The following NAA11 variants were observed in gnomAD, a reference collection of about 807,000 sequenced individuals.
NAA11 encodes N-alpha-acetyltransferase 11.
Under a neutral mutation model 16.1 loss-of-function variants are expected in NAA11, and 15 were observed. The ratio of observed to expected loss-of-function variants is 0.93; its 90% confidence interval spans 0.62 to 1.44. NAA11 has a LOEUF of 1.44. Among genes scored for constraint, NAA11 ranks in the 40% most tolerant of loss-of-function variants. The pLI is 0.00. For missense variants in NAA11, 298 were observed against 291.3 expected, an observed-to-expected ratio of 1.02 and a Z score of -0.17; for synonymous variants, 122 against 112.4, an observed-to-expected ratio of 1.09 and a Z score of -0.54.
exon 3 of NAA11, chr4:79,225,750 T>C (rs1721295143): frequency 6.6e-6 from 1 of 152,038 alleles, no homozygotes; most frequent in African/African-American, 2.4e-5. Flanking sequence ...CTTTGGTGAG[T>C]AGAAGTAGTT....
chr4:79,257,682 T>A (rs1722152309), intron 2 of NAA11, among the ~76,000 whole-genome samples: 1 of 152,200 alleles, frequency 6.6e-6, no homozygotes, highest in Non-Finnish European at 1.5e-5. Flanking sequence ...AAATTTCTAA[T>A]TTCTTCTTGA....
Position 79,325,867 on chromosome 4 carries a change from C to G in NAA11, c.11G>C (p.Arg4Pro), listed in dbSNP as rs769672921. The change falls in exon 1 of 2, where the codon CGC becomes CCC. Residue 4 changes from arginine to proline, a missense_variant. Coordinates refer to ENST00000286794, the MANE Select transcript of NAA11 (RefSeq NM_032693.3). MNI[R>P]NAQPDDLMNM... ...CATCAGGTCGTCTGGCTGAGCGTTG[C>G]GGATGTTCATAATGGCAGAGGGTAG... The G allele has an allele frequency of 1.2e-6, 2 of 1,608,302 alleles. No individual in the cohort carries two copies. The highest frequency in any genetic ancestry group is 1.7e-6 in the Non-Finnish European group (2 of 1,176,600).
At chr4:79,318,571 A>C (rs1005246532) in intron 1 of NAA11, among the ~76,000 whole-genome samples, 2 of 152,240 alleles carry the variant, frequency 1.3e-5, no homozygotes, top group African/African-American at 4.8e-5. Flanking sequence ...ATTTTTGTAC[A>C]AAATCATTGT....
the NAA11 span, among the ~76,000 whole-genome samples, chr4:79,158,497 G>T: frequency 1.3e-5 from 2 of 151,860 alleles, no homozygotes; most frequent in African/African-American, 4.8e-5. Context: ...CCATGCTCAT[G>T]GATGGGTAGA....
At position 79,325,455 on chromosome 4, in the gene NAA11, C is replaced by G; in HGVS notation, c.423G>C (p.Gly141=). ...CCCGCTTCATAGCATAAGCATCTTCCCCATCTGCATAGTATTTAGGTTCCA... is the reference window on the plus strand; with the variant it reads ...CCCGCTTCATAGCATAAGCATCTTCGCCATCTGCATAGTATTTAGGTTCCA... ...SEVEPKYYAD[G]EDAYAMKRDL... is the part of the protein sequence containing the mutation. The change falls in exon 1 of 2, where the codon GGG becomes GGC. Residue 141 remains glycine, a synonymous_variant. Transcript: ENST00000286794. The G allele has an allele frequency of 6.2e-7, 1 of 1,614,196 alleles. No homozygotes were observed.
chr4:79,325,919 A>T lies in NAA11; in HGVS notation c.-42T>A. ...GAACCGGTTGGACTGCAGTGAACCC[A>T]GAAGAGGCTGTCGCCGACCTTAAGG... is the stretch of plus-strand genomic sequence containing the variant. On this transcript the variant is annotated 5_prime_UTR_variant, in exon 1 of 2. Coordinates refer to ENST00000286794, the MANE Select transcript of NAA11 (RefSeq NM_032693.3). The T allele has an allele frequency of 6.4e-7, 1 of 1,552,790 alleles. No homozygotes were observed. Among genetic ancestry groups the T allele is most frequent in the Non-Finnish European group, 8.7e-7 (1 of 1,145,042 alleles).
chr4:79,170,957 A>G, the NAA11 span, among the ~76,000 whole-genome samples: 2 of 152,182 alleles, frequency 1.3e-5, no homozygotes. Flanking sequence ...AGCATTCACT[A>G]AAATCCAAGC....
chr4:79,319,675 C>G (rs1193783549), intron 1 of NAA11, among the ~76,000 whole-genome samples: 1 of 152,178 alleles, frequency 6.6e-6, no homozygotes, highest in South Asian at 2.1e-4. Flanking sequence ...AATAATTCAA[C>G]AAATGGCATC....
At chr4:79,273,198 A>C (rs1358416243) in intron 2 of NAA11, among the ~76,000 whole-genome samples, 1 of 151,984 alleles carries the variant, frequency 6.6e-6, no homozygotes, top group Admixed American at 6.6e-5. Flanking sequence ...ACATACAAGT[A>C]CATATATAGA....
At chr4:79,299,537 GATT>G (rs1349874426) in intron 1 of NAA11, 3 of 152,068 alleles carry the variant, frequency 2.0e-5, no homozygotes, top group Non-Finnish European at 2.9e-5. Context: ...TACAGAATTT[GATT>G]ATTAAAAAAG....
At chr4:79,288,916 C>CT (rs994823426) in intron 2 of NAA11, among the ~76,000 whole-genome samples, 2 of 152,096 alleles carry the variant, frequency 1.3e-5, no homozygotes, top group African/African-American at 4.8e-5. Flanking sequence ...CTTCAGTATA[C>CT]TTTTTCACTT....
rs1721477421 is a variant in NAA11 at position 79,231,996 on chromosome 4, TATTA to T, written c.*123-5730_*123-5727del. Among the ~76,000 whole-genome samples, 3 of 151,866 alleles carry T rather than the reference TATTA, an allele frequency of 2.0e-5. No homozygotes were observed. The South Asian group carries it at 6.2e-4, about 31-fold the overall frequency. ...TGAATATTTAGTGACATTAAAAATT[TATTA>T]ATTTTTAAGATTATGATAATGCTAT... On this transcript the variant is annotated intron_variant and NMD_transcript_variant, in intron 2 of 2. Coordinates refer to the NAA11 transcript ENST00000511542.
At chr4:79,226,368 A>G (rs918333915) in intron 2 of NAA11, 16 of 152,058 alleles carry the variant, frequency 1.1e-4, no homozygotes, top group African/African-American at 3.6e-4. Context: ...TCATGCGTCC[A>G]GAGCTAGCTG....
At chr4:79,224,162 G>A (rs916036857), downstream of NAA11, among the ~76,000 whole-genome samples, 2 of 152,084 alleles carry the variant, frequency 1.3e-5, no homozygotes, top group Admixed American at 6.6e-5. Flanking sequence ...TGTGTGAAAT[G>A]AGAGGTAAAG....
At chr4:79,303,538 G>A (rs1029122365) in intron 1 of NAA11, among the ~76,000 whole-genome samples, 7 of 152,276 alleles carry the variant, frequency 4.6e-5, no homozygotes, top group Non-Finnish European at 8.8e-5. Context: ...GGGGAGATGG[G>A]AAAGGAACAC....
At chr4:79,244,638 C>CCCCGTCTCCCGTCT (rs1553891267) in intron 2 of NAA11, 1 of 44,336 alleles carries the variant, frequency 2.3e-5, no homozygotes, top group African/African-American at 5.7e-5. Flanking sequence ...CCCTCCCCCT[C>CCCCGTCTCCCGTCT]CCCGTCTCCG....
At chr4:79,298,886 A>G (rs529964454) in intron 1 of NAA11, 9 of 152,394 alleles carry the variant, frequency 5.9e-5, no homozygotes, top group African/African-American at 2.2e-4. Flanking sequence ...TAACAGTTTA[A>G]TAACATGTTC....
At position 79,267,394 on chromosome 4, in the gene NAA11, T is replaced by C. The variant is rs1396778688; in HGVS notation, c.*122+26611A>G. On this transcript the variant is annotated intron_variant and NMD_transcript_variant, in intron 2 of 2. Coordinates refer to the NAA11 transcript ENST00000511542. ...CTTTAGCAGTACAATTCTAAAAAAGTGGAAAGCCTTGAATATTTAATGAGA... is the reference window on the plus strand; with the variant it reads ...CTTTAGCAGTACAATTCTAAAAAAGCGGAAAGCCTTGAATATTTAATGAGA... 2.6e-5 allele frequency among the ~76,000 whole-genome samples: 4 copies of C among 152,290 alleles called. No homozygotes were observed. The East Asian group carries it at 5.8e-4, about 22-fold the overall frequency.
chr4:79,223,935 C>A (rs1189455095), downstream of NAA11, among the ~76,000 whole-genome samples: 1 of 152,032 alleles, frequency 6.6e-6, no homozygotes, highest in Non-Finnish European at 1.5e-5. Flanking sequence ...ATTTTTATAT[C>A]TCTCACTATA....
Sources: gnomAD v4.1 joint callset for allele counts (sites outside exome capture counted in the v4.1 genomes callset) on GRCh38, gnomAD v4.1.1 for gene constraint, MANE v1.5 for transcripts, NCBI Gene and HGNC (gene_info 2026-07-23, HGNC 2026-07-21) for gene names.